The following DNAJC15 variants were observed in gnomAD, a reference collection of about 807,000 sequenced individuals.
DNAJC15 encodes the protein DnaJ heat shock protein family (Hsp40) member C15.
A neutral mutation model predicts 22.4 loss-of-function variants in DNAJC15; 27 were observed. The observed-to-expected ratio is 1.20, with a 90% CI of 0.89 to 1.66. DNAJC15 has a LOEUF of 1.66. DNAJC15 is among the 40% of genes most tolerant of loss of function. DNAJC15 has a pLI of 0.00. For missense variants in DNAJC15, 208 were observed against 187.1 expected (o/e 1.11, Z -0.65); for synonymous variants, 79 against 63.2 (o/e 1.25, Z -1.19).
intron 1 of DNAJC15, among the ~76,000 whole-genome samples, chr13:43,063,035 GTC>G (rs1027306795): frequency 1.3e-5 from 2 of 151,642 alleles, no homozygotes; most frequent in African/African-American, 2.4e-5. Flanking sequence ...TTTTGAGAGA[GTC>G]TCTCATCTGT....
At chr13:43,071,934 A>G (rs1437368411) in intron 3 of DNAJC15, among the ~76,000 whole-genome samples, 2 of 151,952 alleles carry the variant, frequency 1.3e-5, no homozygotes, top group East Asian at 3.9e-4. Flanking sequence ...CTGCTTTGTT[A>G]AACAGTTTGT....
chr13:43,097,936 T>C (rs1045647523), intron 5 of DNAJC15, among the ~76,000 whole-genome samples: 1 of 151,740 alleles, frequency 6.6e-6, no homozygotes, highest in Non-Finnish European at 1.5e-5. Flanking sequence ...AAACTCCATC[T>C]CAAAAAAAGA....
chr13:43,068,841 A>G lies in DNAJC15; in HGVS notation c.161-89A>G, dbSNP rs959092151. 18 of 1,046,926 alleles carry G rather than the reference A, an allele frequency of 1.7e-5. No homozygotes were observed. The East Asian group carries it at 2.5e-4, about 14-fold the overall frequency. The allele number at this position is 1,046,926 out of a possible 1,614,324, so 64.9% of individuals were successfully genotyped here. On this transcript the variant is annotated intron_variant, in intron 2 of 5. Transcript: ENST00000379221. ...CTTATTGCAATAACATATATAAACT[A>G]TCAATAAATACTGTTGCAAGCACTT... is the stretch of plus-strand genomic sequence containing the variant.
chr13:43,099,939 G>A (rs1007648760), intron 5 of DNAJC15, among the ~76,000 whole-genome samples: 2 of 152,058 alleles, frequency 1.3e-5, no homozygotes, highest in African/African-American at 2.4e-5. Flanking sequence ...ATAATATAAT[G>A]TAGGCTTTAT....
chr13:43,024,904 A>C (rs2040373049), intron 1 of DNAJC15, among the ~76,000 whole-genome samples: 1 of 147,828 alleles, frequency 6.8e-6, no homozygotes, highest in African/African-American at 2.5e-5. Context: ...AAAAAAAAAA[A>C]AAAAAAATTA....
At chr13:43,094,849 G>T (rs7319714) in intron 5 of DNAJC15, among the ~76,000 whole-genome samples, 1 of 151,892 alleles carries the variant, frequency 6.6e-6, no homozygotes, top group Admixed American at 6.6e-5. Context: ...AATTTCTTGC[G>T]TTCCACCAAG....
At chr13:43,034,587 T>C (rs1361906582) in intron 1 of DNAJC15, among the ~76,000 whole-genome samples, 1 of 150,788 alleles carries the variant, frequency 6.6e-6, no homozygotes, top group Non-Finnish European at 1.5e-5. Flanking sequence ...AGTGCTAGGA[T>C]TACAGGCGTG....
chr13:43,060,430 C>G (rs1167281842), intron 1 of DNAJC15, among the ~76,000 whole-genome samples: 3 of 152,120 alleles, frequency 2.0e-5, no homozygotes, highest in African/African-American at 4.8e-5. Context: ...TATTAAAGGA[C>G]TAAGAATTGG....
At chr13:43,099,860 C>T (rs1190711237) in intron 5 of DNAJC15, among the ~76,000 whole-genome samples, 1 of 152,034 alleles carries the variant, frequency 6.6e-6, no homozygotes, top group African/African-American at 2.4e-5. Flanking sequence ...AGTATCTTTG[C>T]ATCCACACTT....
At chr13:43,060,770 G>A (rs569183968) in intron 1 of DNAJC15, among the ~76,000 whole-genome samples, 3 of 152,108 alleles carry the variant, frequency 2.0e-5, no homozygotes, top group South Asian at 2.1e-4. Context: ...AATAAAGGCC[G>A]GTCTGTTATT....
chr13:43,076,646 G>A (rs986230900), intron 3 of DNAJC15, among the ~76,000 whole-genome samples: 1 of 152,134 alleles, frequency 6.6e-6, no homozygotes, highest in South Asian at 2.1e-4. Flanking sequence ...TTTAATGCCT[G>A]TAATCATATA....
At chr13:43,088,513 G>A (rs2040699680) in intron 5 of DNAJC15, among the ~76,000 whole-genome samples, 1 of 152,176 alleles carries the variant, frequency 6.6e-6, no homozygotes, top group East Asian at 1.9e-4. Flanking sequence ...AAATCTGCCT[G>A]CCTGCAGTGG....
chr13:43,053,155 G>T lies in DNAJC15; in HGVS notation c.109-12531G>T, dbSNP rs1031590519. Reference sequence around the variant, plus strand: ...TTATCTCAGCACCATTTGTTGAATAGGGTGTCCTTTCCCCACTTTATGTTT... The same window carrying T: ...TTATCTCAGCACCATTTGTTGAATATGGTGTCCTTTCCCCACTTTATGTTT... On this transcript the variant is annotated intron_variant, in intron 1 of 5. Transcript: ENST00000379221. 2.0e-5 allele frequency among the ~76,000 whole-genome samples: 3 copies of T among 152,160 alleles called. No homozygotes were observed. In the South Asian group the frequency reaches 6.2e-4, roughly 31 times the overall value.
At position 43,023,604 on chromosome 13, in the gene DNAJC15, T is replaced by A; in HGVS notation, c.-23T>A. On this transcript the variant is annotated 5_prime_UTR_variant, in exon 1 of 6. It adds an upstream start codon to the 5' untranslated region. Transcript: ENST00000379221. ...GCCTCGTAGTCACTGCCGCGGCGCC[T>A]TGAGTCTCCGGGCCGCCTTGCCATG... 6.2e-7 allele frequency: 1 copy of A among 1,600,384 alleles called. No individual in the cohort carries two copies. Among genetic ancestry groups the A allele is most frequent in the African/African-American group, 1.3e-5 (1 of 74,650 alleles).
intron 1 of DNAJC15, among the ~76,000 whole-genome samples, chr13:43,062,146 A>G (rs1296541955): frequency 6.6e-6 from 1 of 152,136 alleles, no homozygotes; most frequent in Non-Finnish European, 1.5e-5. Flanking sequence ...AGGATGATGA[A>G]TCACTTAGGG....
At position 43,059,395 on chromosome 13, in the gene DNAJC15, C is replaced by T. The variant is rs75494717; in HGVS notation, c.109-6291C>T. Among the ~76,000 whole-genome samples the T allele has an allele frequency of 0.017, 2,609 of 152,062 alleles. 229 individuals carry two copies. The East Asian group carries it at 0.26, about 15-fold the overall frequency. On this transcript the variant is annotated intron_variant, in intron 1 of 5. Transcript: ENST00000379221. The stretch of plus-strand genomic sequence containing the variant: ...CTTCTTCTCTTTCTTTTTTTGGAGA[C>T]GGAGTTTTGCTCTTGTTGCCCAGGC...
chr13:43,079,629 A>T (rs1219039888), intron 4 of DNAJC15, among the ~76,000 whole-genome samples: 3 of 152,186 alleles, frequency 2.0e-5, no homozygotes, highest in African/African-American at 2.4e-5. Context: ...GCTTAATATC[A>T]TTCAGAATGG....
intron 1 of DNAJC15, among the ~76,000 whole-genome samples, chr13:43,036,745 C>T (rs557463524): frequency 4.8e-4 from 73 of 152,382 alleles, no homozygotes; most frequent in Admixed American, 8.5e-4. Flanking sequence ...CCCTCAGCCC[C>T]TTGGCTGGAC....
chr13:43,100,998 T>A (rs535279281), intron 5 of DNAJC15, among the ~76,000 whole-genome samples: 2 of 152,234 alleles, frequency 1.3e-5, no homozygotes, highest in Non-Finnish European at 2.9e-5. Context: ...TTTTTCATTA[T>A]GGAATGCCCC....
Sources: allele counts gnomAD v4.1 joint callset (sites outside exome capture counted in the v4.1 genomes callset), GRCh38; gene constraint gnomAD v4.1.1; transcripts MANE v1.5; gene names NCBI Gene and HGNC (gene_info 2026-07-23, HGNC 2026-07-21).